Variants in VPS13C observed in about 807,000 individuals in gnomAD.
VPS13C encodes vacuolar protein sorting 13 homolog C.
Under a neutral mutation model 456.8 loss-of-function variants are expected in VPS13C, and 358 were observed. The observed-to-expected ratio is 0.78, with a 90% CI of 0.72 to 0.86. The LOEUF (loss-of-function observed/expected upper bound fraction) is 0.86. VPS13C is among the 40% of genes least tolerant of loss of function. The pLI, the probability that VPS13C is intolerant of heterozygous loss-of-function variation, is 0.00. For synonymous variants in VPS13C, 1,578 were observed against 1,486.7 expected (o/e 1.06, Z -1.41); for missense variants, 4,818 against 4,385.4 (o/e 1.10, Z -2.79).
chr15:62,010,731 C>A (rs1419095412), intron 12 of VPS13C, 132 bp from the exon 13 acceptor site: 4 of 962,518 alleles, frequency 4.2e-6, no homozygotes, highest in South Asian at 2.8e-5. Flanking sequence ...AAAATCACTA[C>A]CAAAAAATAT....
intron 31 of VPS13C, 45 bp downstream of exon 31, chr15:61,964,654 T>C: frequency 6.5e-7 from 1 of 1,539,338 alleles, no homozygotes. Flanking sequence ...AGCTTTAGAA[T>C]TCTAAAACCC....
At chr15:61,994,681 C>T (rs1485041520) in intron 16 of VPS13C, among the ~76,000 whole-genome samples, 1 of 151,926 alleles carries the variant, frequency 6.6e-6, no homozygotes, top group Non-Finnish European at 1.5e-5. Flanking sequence ...CCTCCACCTC[C>T]CGGGTTCAAG....
At chr15:61,944,979 G>C (rs946515449) in intron 45 of VPS13C, among the ~76,000 whole-genome samples, 3 of 152,176 alleles carry the variant, frequency 2.0e-5, no homozygotes, top group Non-Finnish European at 4.4e-5. Flanking sequence ...CAGGTGTCAA[G>C]GGAGGGAACT....
intron 74 of VPS13C, 131 bp from the exon 75 acceptor site, chr15:61,877,185 T>C: frequency 1.7e-6 from 1 of 576,654 alleles, no homozygotes; most frequent in Non-Finnish European, 2.9e-6. Flanking sequence ...ATTTACCACA[T>C]ACAATTTATG....
At chr15:61,946,678 A>C (rs1299381387) in intron 43 of VPS13C, among the ~76,000 whole-genome samples, 1 of 151,676 alleles carries the variant, frequency 6.6e-6, no homozygotes, top group Non-Finnish European at 1.5e-5. Context: ...GTTTCAAAGA[A>C]ATTCAAATTA....
chr15:61,950,507 G>C (rs540294784), intron 40 of VPS13C, 90 bp from the exon 41 acceptor site: 1 of 1,001,442 alleles, frequency 1.0e-6, no homozygotes, highest in South Asian at 1.5e-5. Flanking sequence ...TTCTAAGTAT[G>C]CTATTAAAAG....
intron 22 of VPS13C, among the ~76,000 whole-genome samples, chr15:61,979,213 G>A (rs1281546765): frequency 1.3e-5 from 2 of 152,160 alleles, no homozygotes; most frequent in Non-Finnish European, 2.9e-5. Flanking sequence ...TGGAAGCAAG[G>A]ATCAATTCAG....
intron 65 of VPS13C, among the ~76,000 whole-genome samples, chr15:61,908,099 G>C (rs1428657885): frequency 1.3e-5 from 2 of 152,088 alleles, no homozygotes; most frequent in African/African-American, 4.8e-5. Flanking sequence ...GTCAAAATCT[G>C]CATCTTAACA....
In VPS13C at chr15:61,962,941, C is replaced by T. The variant is rs1013771464; in HGVS notation, c.3332-89G>A. The T allele has an allele frequency of 5.8e-5, 56 of 965,218 alleles. No homozygotes were observed. In the African/African-American group the frequency reaches 7.8e-4, roughly 13 times the overall value. 59.8% of individuals were successfully genotyped at this position (965,218 alleles called of 1,614,324 possible). On this transcript the variant is annotated intron_variant, in intron 32 of 84. Coordinates refer to ENST00000644861, the MANE Select transcript of VPS13C (RefSeq NM_020821.3). The stretch of plus-strand genomic sequence containing the variant: ...ATTACATTATTTTATTTTGGGGTGA[C>T]TTTTTTAAATTTAGCAATGTTTCAA...
intron 1 of VPS13C, among the ~76,000 whole-genome samples, chr15:62,059,717 A>G (rs2048926244): frequency 6.6e-6 from 1 of 152,220 alleles, no homozygotes; most frequent in Non-Finnish European, 1.5e-5. Flanking sequence ...ATTAAGAGTA[A>G]GAATCCCTAA....
Position 61,931,575 on chromosome 15 carries a change from T to G in VPS13C, c.5869-316A>C, listed in dbSNP as rs575396681. 7.9e-5 allele frequency among the ~76,000 whole-genome samples: 12 copies of G among 151,546 alleles called. No homozygotes were observed. In the East Asian group the frequency reaches 2.3e-3, roughly 29 times the overall value. On this transcript the variant is annotated intron_variant, in intron 49 of 84. Coordinates refer to ENST00000644861, the MANE Select transcript of VPS13C (RefSeq NM_020821.3). The stretch of plus-strand genomic sequence containing the variant: ...CATCAATTAATCTAACTAATAAATT[T>G]TTTCTTTTTTTTTTTTTTTTGAGAT...
At chr15:61,955,805 T>C (rs1170473664) in intron 37 of VPS13C, among the ~76,000 whole-genome samples, 4 of 152,078 alleles carry the variant, frequency 2.6e-5, no homozygotes, top group African/African-American at 9.7e-5. Flanking sequence ...GAATATCTAT[T>C]GAAAAGTCAA....
chr15:61,862,558 T>G (rs1180593133), intron 82 of VPS13C, among the ~76,000 whole-genome samples: 1 of 152,214 alleles, frequency 6.6e-6, no homozygotes, highest in Non-Finnish European at 1.5e-5. Flanking sequence ...AACATTGTTT[T>G]TGGCTTAATC....
rs1895793729 is a variant in VPS13C at position 61,880,839 on chromosome 15, T to G, written c.9888+4A>C. 6.3e-7 allele frequency: 1 copy of G among 1,583,358 alleles called. No individual in the cohort carries two copies. The highest frequency in any genetic ancestry group is 1.4e-5 in the African/African-American group (1 of 72,918). ...TATTTTCCCCAAGAAATAAAAATTT[T>G]TACCCGTCTTCTTTCAGCTTCAGGG... On this transcript the variant is annotated splice_donor_region_variant and intron_variant, in intron 72 of 84. Transcript: ENST00000644861.
chr15:61,902,628 G>A lies in VPS13C; in HGVS notation c.9105+4636C>T, dbSNP rs117959822. Among the ~76,000 whole-genome samples the A allele has an allele frequency of 1.6e-3, 240 of 151,870 alleles. 4 individuals carry two copies. The East Asian group carries it at 0.027, about 17-fold the overall frequency. On this transcript the variant is annotated intron_variant, in intron 66 of 84. Transcript: ENST00000644861. ...TCATTTCAACAGATGCTAAAAAAGC[G>A]TTTGACAAAATTTGGTATTGCTTTA...
intron 2 of VPS13C, among the ~76,000 whole-genome samples, chr15:62,042,473 G>T (rs1168093532): frequency 6.6e-6 from 1 of 151,728 alleles, no homozygotes; most frequent in Non-Finnish European, 1.5e-5. Flanking sequence ...ACGTAAACAG[G>T]AATTGAACAG....
chr15:62,007,891 G>A (rs939196333), intron 14 of VPS13C, among the ~76,000 whole-genome samples: 1 of 152,124 alleles, frequency 6.6e-6, no homozygotes, highest in African/African-American at 2.4e-5. Context: ...CAGATCACGA[G>A]GTCAAGATTT....
chr15:61,961,503 CTG>C, intron 35 of VPS13C, 84 bp downstream of exon 35: 2 of 1,308,466 alleles, frequency 1.5e-6, no homozygotes, highest in Non-Finnish European at 2.1e-6. Context: ...TTTGAATAAA[CTG>C]TGTTGGGTAG....
chr15:61,954,208 C>T (rs907002299), intron 38 of VPS13C, among the ~76,000 whole-genome samples: 2 of 152,086 alleles, frequency 1.3e-5, no homozygotes, highest in South Asian at 2.1e-4. Context: ...CATTAAAAAG[C>T]ATGTTATACA....
Sources: allele counts gnomAD v4.1 joint callset (sites outside exome capture counted in the v4.1 genomes callset), GRCh38; gene constraint gnomAD v4.1.1; transcripts MANE v1.5; gene names NCBI Gene and HGNC (gene_info 2026-07-23, HGNC 2026-07-21).